SLC36A2: variants seen among roughly 807,000 people sequenced by gnomAD.
SLC36A2 encodes solute carrier family 36 member 2.
In SLC36A2, 39 loss-of-function variants were observed where a neutral mutation model predicts 42.7. That is an observed-to-expected ratio of 0.91 (90% CI 0.71 to 1.19). The LOEUF is 1.19. Among genes scored for constraint, SLC36A2 ranks in the 50% most tolerant of loss-of-function variants. The pLI is 0.00. For synonymous variants in SLC36A2, 237 were observed against 240.8 expected (o/e 0.98, Z 0.15); for missense variants, 590 against 613.7 (o/e 0.96, Z 0.41).
chr5:151,332,555 T>G (rs982174633), intron 7 of SLC36A2: 3 of 403,230 alleles, frequency 7.4e-6, no homozygotes, highest in African/African-American at 4.2e-5. Flanking sequence ...GTTATTGATG[T>G]GTGCAACAGC....
At chr5:151,325,134 G>A in intron 8 of SLC36A2, 152 bp downstream of exon 8, 1 of 892,928 alleles carries the variant, frequency 1.1e-6, no homozygotes, top group Non-Finnish European at 1.8e-6. Flanking sequence ...CCAGGACAGA[G>A]AATCTGGAGA....
rs762069429 is a variant in SLC36A2 at position 151,322,184 on chromosome 5, C to T, written c.1042G>A (p.Ala348Thr). 1 of 1,614,112 alleles carries T rather than the reference C, an allele frequency of 6.2e-7. No individual in the cohort carries two copies. The highest frequency in any genetic ancestry group is 1.1e-5 in the South Asian group (1 of 91,080). ...AGGGCATAGGTGCACAGGATGCCGG[C>T]AATGTAGAGAAGCTTGACAGACTGG... ...LYQSVKLLYI[A>T]GILCTYALQF... Residue 348 changes from alanine (A) to threonine (T), a missense_variant, in exon 9 of 10, where the codon GCC becomes ACC. Ala to Thr is a moderately conservative substitution (Grantham distance 58, BLOSUM62 0). Coordinates refer to ENST00000335244, the MANE Select transcript of SLC36A2 (RefSeq NM_181776.3).
intron 5 of SLC36A2, among the ~76,000 whole-genome samples, chr5:151,337,008 A>G (rs1756178193): frequency 6.6e-6 from 1 of 152,196 alleles, no homozygotes; most frequent in South Asian, 2.1e-4. Flanking sequence ...TTCTTTTGAA[A>G]TGTCCCTTGC....
At chr5:151,338,695 A>G (rs1756229992) in intron 5 of SLC36A2, 1 of 206,646 alleles carries the variant, frequency 4.8e-6, no homozygotes, top group African/African-American at 2.4e-5. Context: ...AAAAAAAAGA[A>G]AGAAAGATGA....
chr5:151,338,939 C>G (rs567683781), intron 5 of SLC36A2, 121 bp downstream of exon 5: 2 of 760,002 alleles, frequency 2.6e-6, no homozygotes, highest in East Asian at 3.0e-5. Context: ...TTGACAACAT[C>G]TAGTTTAACT....
intron 8 of SLC36A2, among the ~76,000 whole-genome samples, chr5:151,324,058 G>A (rs374262556): frequency 1.0e-3 from 158 of 152,352 alleles, no homozygotes; most frequent in Middle Eastern, 6.8e-3. Context: ...CACTGTTGAT[G>A]TCTATGGGGC....
Position 151,340,140 on chromosome 5 carries a change from AGAG to A in SLC36A2, c.441-999_441-997del, listed in dbSNP as rs200581527. 7.3e-3 allele frequency among the ~76,000 whole-genome samples: 846 copies of A among 115,946 alleles called. 4 individuals carry two copies. The highest frequency in any genetic ancestry group is 0.015 in the Middle Eastern group (4 of 268). The allele number at this position is 115,946 out of a possible 152,430, so 76.1% of individuals were successfully genotyped here. A position where few individuals can be genotyped will look rare whatever the true frequency, so the allele number is the denominator to read the frequency against. ...AAGAGGAGGAGAAGGAGGAGGAAGA[AGAG>A]GAGGAGAAGGAGGAGGAAGAAGAGG... On this transcript the variant is annotated intron_variant, in intron 4 of 9. Transcript: ENST00000335244.
intron 6 of SLC36A2, among the ~76,000 whole-genome samples, chr5:151,333,969 A>G (rs1453344514): frequency 3.9e-5 from 6 of 152,242 alleles, no homozygotes; most frequent in Non-Finnish European, 5.9e-5. Context: ...CTGCAGTCAT[A>G]GTAATAATCT....
At chr5:151,324,304 G>GGCTT (rs1211091029) in intron 8 of SLC36A2, among the ~76,000 whole-genome samples, 15 of 137,602 alleles carry the variant, frequency 1.1e-4, no homozygotes, top group Admixed American at 3.0e-4. Context: ...CACCATGCCT[G>GGCTT]GCTTATTTAT....
intron 7 of SLC36A2, among the ~76,000 whole-genome samples, chr5:151,329,358 A>G (rs1336033475): frequency 1.3e-5 from 2 of 152,252 alleles, no homozygotes; most frequent in Non-Finnish European, 2.9e-5. Context: ...CAGCATTCTG[A>G]AGAGTCTCCT....
chr5:151,323,269 A>AAATAAATAAATAAATAAATAAATG (rs1755751489), intron 8 of SLC36A2, among the ~76,000 whole-genome samples: 1 of 151,350 alleles, frequency 6.6e-6, no homozygotes, highest in Admixed American at 6.6e-5. Flanking sequence ...ATAAATAAAT[A>AAATAAATAAATAAATAAATAAATG]AATAAATAAA....
At chr5:151,333,592 C>T (rs956580547) in intron 6 of SLC36A2, among the ~76,000 whole-genome samples, 1 of 152,164 alleles carries the variant, frequency 6.6e-6, no homozygotes, top group African/African-American at 2.4e-5. Flanking sequence ...GGGCCGGGTG[C>T]AGTGGCTTAA....
At chr5:151,325,111 G>T in intron 8 of SLC36A2, 175 bp downstream of exon 8, 1 of 758,666 alleles carries the variant, frequency 1.3e-6, no homozygotes, top group Non-Finnish European at 2.3e-6. Context: ...GGCTGTTGTT[G>T]AAGGAGGAAC....
intron 7 of SLC36A2, among the ~76,000 whole-genome samples, chr5:151,331,605 A>G (rs939827368): frequency 6.6e-6 from 1 of 152,102 alleles, no homozygotes; most frequent in Admixed American, 6.6e-5. Flanking sequence ...GGTGTGAGCC[A>G]CCATATCTAG....
At chr5:151,339,826 G>A (rs983777486) in intron 4 of SLC36A2, among the ~76,000 whole-genome samples, 8 of 152,142 alleles carry the variant, frequency 5.3e-5, no homozygotes, top group African/African-American at 1.9e-4. Flanking sequence ...ACTATGTTGG[G>A]CACTGAGAAT....
chr5:151,339,238 G>A (rs990588033), intron 4 of SLC36A2, 94 bp from the exon 5 acceptor site: 2 of 928,538 alleles, frequency 2.2e-6, no homozygotes, highest in South Asian at 2.7e-5. Context: ...TGTTCCCAGG[G>A]ATTGGTTGCC....
intron 8 of SLC36A2, among the ~76,000 whole-genome samples, chr5:151,323,282 AATAAATGG>A (rs886556149): frequency 4.7e-5 from 7 of 150,188 alleles, no homozygotes; most frequent in Admixed American, 1.3e-4. Flanking sequence ...TAAATAAATA[AATAAATGG>A]GTGTGTGTGT....
chr5:151,338,927 G>A (rs756807248), intron 5 of SLC36A2, 133 bp downstream of exon 5: 1 of 717,462 alleles, frequency 1.4e-6, no homozygotes, highest in South Asian at 1.4e-5. Flanking sequence ...GGGGAGGCAA[G>A]TTTGACAACA....
intron 7 of SLC36A2, among the ~76,000 whole-genome samples, chr5:151,328,861 C>T (rs1192578323): frequency 6.6e-6 from 1 of 152,190 alleles, no homozygotes; most frequent in African/African-American, 2.4e-5. Context: ...TTTGCCTGCT[C>T]ACGAAACTGG....
Sources: gnomAD v4.1 joint callset for allele counts (sites outside exome capture counted in the v4.1 genomes callset) on GRCh38, gnomAD v4.1.1 for gene constraint, MANE v1.5 for transcripts, NCBI Gene and HGNC (gene_info 2026-07-23, HGNC 2026-07-21) for gene names.